MYO7A: variants seen among roughly 807,000 people sequenced by gnomAD.
The protein encoded by MYO7A is myosin VIIA, also known as unconventional myosin-VIIa.
MYO7A carries 210 observed loss-of-function variants against 263.8 expected under a neutral mutation model. That is an observed-to-expected ratio of 0.80 (90% CI 0.71 to 0.89). The LOEUF (loss-of-function observed/expected upper bound fraction) is 0.89, where lower values mean the gene tolerates loss of function less well. MYO7A is among the 40% of genes least tolerant of loss of function. The pLI, the probability that MYO7A is intolerant of heterozygous loss-of-function variation, is 0.00. For missense variants in MYO7A, 2,820 were observed against 2,968.3 expected (o/e 0.95, Z 1.16); for synonymous variants, 1,239 against 1,197.3 (o/e 1.03, Z -0.72).
chr11:77,188,482 G>C (rs1447086433), intron 27 of MYO7A, among the ~76,000 whole-genome samples: 1 of 152,210 alleles, frequency 6.6e-6, no homozygotes, highest in Non-Finnish European at 1.5e-5. Flanking sequence ...CACTGAATTA[G>C]GTAATCCCAG....
rs761197783 is a variant in MYO7A, at chr11:77,201,615, A to G, written c.5020A>G (p.Thr1674Ala). ...CAGTGTGTACGTCATGCCCACTGTCACCATGCCACCGCGGGAGATTGTGGT... is the reference window on the plus strand; with the variant it reads ...CAGTGTGTACGTCATGCCCACTGTCGCCATGCCACCGCGGGAGATTGTGGT... Reference protein sequence around the residue: ...TDSVYVMPTVTMPPREIVALV... With the variant: ...TDSVYVMPTVAMPPREIVALV... The change falls in exon 36 of 49, where the codon ACC becomes GCC. Residue 1674 changes from threonine to alanine, a missense_variant. Physicochemically the swap from Thr to Ala is moderately conservative, Grantham distance 58. Coordinates refer to ENST00000409709, the MANE Select transcript of MYO7A (RefSeq NM_000260.4). 1 of 1,613,474 alleles carries G rather than the reference A, an allele frequency of 6.2e-7. No homozygotes were observed. Among genetic ancestry groups the G allele is most frequent in the Non-Finnish European group, 8.5e-7 (1 of 1,179,690 alleles).
chr11:77,172,601 A>G lies in MYO7A; in HGVS notation c.1798-147A>G, dbSNP rs1954200216. The G allele has an allele frequency of 5.8e-6, 6 of 1,027,776 alleles. No individual in the cohort carries two copies. In the Admixed American group the frequency reaches 6.9e-5, roughly 12 times the overall value. The allele number at this position is 1,027,776 out of a possible 1,614,324, so 63.7% of individuals were successfully genotyped here. On this transcript the variant is annotated intron_variant, in intron 15 of 48. Transcript: ENST00000409709. ...AGGCTCCAGCTCAGAAGGTGGGGAG[A>G]GGCAGTTTGCAGGAAAACTTCAAAT...
chr11:77,160,131 C>T (rs1555067369), intron 10 of MYO7A, 32 bp from the exon 11 acceptor site: 1 of 1,542,086 alleles, frequency 6.5e-7, no homozygotes, highest in Non-Finnish European at 8.8e-7. Flanking sequence ...GGCAGGCTGG[C>T]AGGTGAGCAC....
chr11:77,167,896 A>G (rs1555073667), intron 15 of MYO7A, among the ~76,000 whole-genome samples: 4 of 151,990 alleles, frequency 2.6e-5, no homozygotes, highest in African/African-American at 4.8e-5. Context: ...ACAGACCAAC[A>G]CTGTAGGCTG....
At chr11:77,188,203 C>T (rs1350803000) in intron 27 of MYO7A, among the ~76,000 whole-genome samples, 1 of 152,196 alleles carries the variant, frequency 6.6e-6, no homozygotes, top group Non-Finnish European at 1.5e-5. Flanking sequence ...TGGAGACTCC[C>T]AGCTGCAGGT....
intron 4 of MYO7A, 31 bp from the exon 5 acceptor site, chr11:77,155,876 C>T: frequency 6.5e-7 from 1 of 1,537,998 alleles, no homozygotes; most frequent in Non-Finnish European, 8.8e-7. Context: ...CACATGGAAT[C>T]AGCGAGCTCC....
Position 77,207,371 on chromosome 11 carries a change from G to A in MYO7A, c.5825G>A (p.Gly1942Glu). The A allele has an allele frequency of 6.2e-7, 1 of 1,611,374 alleles. No homozygotes were observed. The highest frequency in any genetic ancestry group is 8.5e-7 in the Non-Finnish European group (1 of 1,178,786). Residue 1942 changes from glycine (G) to glutamate (E), a missense_variant, in exon 42 of 49, where the codon GGA becomes GAA. Gly to Glu is a moderately conservative substitution (Grantham distance 98). Transcript: ENST00000409709. ...AGGCTGCTCCTCAAGTCCTCAGAGGGATTCAGCCTCTTTGTCAAAATTGCA... is the reference window on the plus strand; with the variant it reads ...AGGCTGCTCCTCAAGTCCTCAGAGGAATTCAGCCTCTTTGTCAAAATTGCA... ...ATRLLLKSSE[G>E]FSLFVKIADK...
chr11:77,184,935 T>C (rs1955552839), intron 27 of MYO7A: 1 of 799,980 alleles, frequency 1.3e-6, no homozygotes, highest in Non-Finnish European at 2.2e-6. Flanking sequence ...CCCTTGGAGA[T>C]ATTGCAGGTT....
chr11:77,175,069 A>G (rs1954512458), intron 17 of MYO7A, among the ~76,000 whole-genome samples, 155 bp downstream of exon 17: 1 of 152,160 alleles, frequency 6.6e-6, no homozygotes, highest in Admixed American at 6.5e-5. Flanking sequence ...ATTGGAATGC[A>G]TCAGTGGGCT....
intron 35 of MYO7A, among the ~76,000 whole-genome samples, chr11:77,200,771 C>A (rs1308941471): frequency 1.3e-5 from 2 of 152,228 alleles, no homozygotes; most frequent in African/African-American, 4.8e-5. Context: ...TACTCATCTC[C>A]TGTCAGCTCT....
chr11:77,162,864 C>G lies in MYO7A; in HGVS notation c.1566C>G (p.Thr522=), dbSNP rs1479217957. The part of the protein sequence containing the change: ...EESKFPKGTD[T]TMLHKLNSQH... ...CCTCCACTCCCCAGGGCACAGACAC[C>G]ACCATGTTACACAAGCTGAACTCCC... Residue 522 remains threonine, a synonymous_variant, in exon 14 of 49, where the codon ACC becomes ACG. Coordinates refer to ENST00000409709, the MANE Select transcript of MYO7A (RefSeq NM_000260.4). 7 of 1,613,628 alleles carry G rather than the reference C, an allele frequency of 4.3e-6. No homozygotes were observed. Among genetic ancestry groups the G allele is most frequent in the Non-Finnish European group, 5.9e-6 (7 of 1,179,830 alleles).
At chr11:77,189,570 C>A in intron 28 of MYO7A, 100 bp downstream of exon 28, 1 of 1,522,832 alleles carries the variant, frequency 6.6e-7, no homozygotes, top group Non-Finnish European at 8.9e-7. Flanking sequence ...GGCCTGGTCA[C>A]AAGGCCCACC....
rs149737528 is a variant in MYO7A, at chr11:77,207,895, C to A, written c.5856+493C>A. ...TGCCACCATTTCACATCACGCTCCC[C>A]CAGCACCTCTGTCCCTGGAAGTCTT... On this transcript the variant is annotated intron_variant, in intron 42 of 48. Transcript: ENST00000409709. Among the ~76,000 whole-genome samples, 614 of 152,298 alleles carry A rather than the reference C, an allele frequency of 4.0e-3. 4 individuals are homozygous for A. The highest frequency in any genetic ancestry group is 0.014 in the African/African-American group (570 of 41,556).
rs189972611 is a variant in MYO7A, at chr11:77,194,509, C to T, written c.4308C>T (p.Ile1436=). 4.4e-6 allele frequency: 7 copies of T among 1,601,414 alleles called. No individual in the cohort carries two copies. Among genetic ancestry groups the T allele is most frequent in the East Asian group, 2.3e-5 (1 of 44,288 alleles). Residue 1436 remains isoleucine, a synonymous_variant, in exon 32 of 49, where the codon ATC becomes ATT. Transcript: ENST00000409709. ...TGGAGAAGTGGGCCCAGCTGGCCAT[C>T]GCCGCCCACAAGAAGGTAGAAGGGC... is the stretch of plus-strand genomic sequence containing the variant. ...KTLEKWAQLA[I]AAHKKGIYAQ... is the part of the protein sequence containing the mutation.
intron 4 of MYO7A, among the ~76,000 whole-genome samples, chr11:77,152,203 T>G (rs1230432608): frequency 6.6e-6 from 1 of 152,252 alleles, no homozygotes; most frequent in African/African-American, 2.4e-5. Context: ...GTTAGGTAGA[T>G]ACATACATAC....
At position 77,207,366 on chromosome 11, in the gene MYO7A, A is replaced by G. The variant is rs886048682; in HGVS notation, c.5820A>G (p.Ser1940=). ...NIATRLLLKS[S]EGFSLFVKIA... is the part of the protein sequence containing the mutation. ...CCACCAGGCTGCTCCTCAAGTCCTC[A>G]GAGGGATTCAGCCTCTTTGTCAAAA... The change falls in exon 42 of 49, where the codon TCA becomes TCG. Residue 1940 remains serine, a synonymous_variant. Transcript: ENST00000409709. 6.8e-6 allele frequency: 11 copies of G among 1,611,632 alleles called. No homozygotes were observed. Among genetic ancestry groups the G allele is most frequent in the Non-Finnish European group, 8.5e-6 (10 of 1,178,962 alleles).
chr11:77,163,409 T>C (rs541294152), intron 14 of MYO7A, among the ~76,000 whole-genome samples: 2 of 152,358 alleles, frequency 1.3e-5, no homozygotes, highest in East Asian at 1.9e-4. Flanking sequence ...AATTTGGTCA[T>C]TGTCAATCAT....
At chr11:77,177,492 A>C in intron 18 of MYO7A, 57 bp from the exon 19 acceptor site, 1 of 1,351,906 alleles carries the variant, frequency 7.4e-7, no homozygotes, top group South Asian at 1.2e-5. Context: ...ACTGGGACTG[A>C]GCAGGTGGTC....
Position 77,184,604 on chromosome 11 carries a change from A to G in MYO7A, c.3392A>G (p.His1131Arg), listed in dbSNP as rs782020765. ...KLTEEVTKRL[H>R]DGESTVQGNS... is the part of the protein sequence containing the mutation. ...CTGGCCCAGGTGACCAAGAGGCTGC[A>G]TGACGGGGAGTCCACAGTGCAGGGC... is the stretch of plus-strand genomic sequence containing the variant. The change falls in exon 27 of 49, where the codon CAT becomes CGT. Residue 1131 changes from histidine to arginine, a missense_variant. His to Arg is a conservative substitution (Grantham distance 29). Transcript: ENST00000409709. 1.9e-5 allele frequency: 30 copies of G among 1,567,210 alleles called. No homozygotes were observed. The East Asian group carries it at 2.1e-4, about 11-fold the overall frequency.
Sources: gnomAD v4.1 joint callset for allele counts (sites outside exome capture counted in the v4.1 genomes callset) on GRCh38, gnomAD v4.1.1 for gene constraint, MANE v1.5 for transcripts, NCBI Gene and HGNC (gene_info 2026-07-23, HGNC 2026-07-21) for gene names.